KCNT1: variants seen among roughly 807,000 people sequenced by gnomAD.
The protein encoded by KCNT1 is potassium sodium-activated channel subfamily T member 1.
A neutral mutation model predicts 147.8 loss-of-function variants in KCNT1; 78 were observed. That is an observed-to-expected ratio of 0.53 (90% CI 0.44 to 0.64). The LOEUF is 0.64. Ranked by LOEUF, KCNT1 falls within the 30% of genes least tolerant of loss-of-function variation. KCNT1 has a pLI of 0.00. For missense variants in KCNT1, 1,419 were observed against 1,750.3 expected, an observed-to-expected ratio of 0.81 and a Z score of 3.38; for synonymous variants, 867 against 748.8, an observed-to-expected ratio of 1.16 and a Z score of -2.58.
intron 19 of KCNT1, among the ~76,000 whole-genome samples, chr9:135,774,467 C>T (rs1396279065): frequency 7.7e-6 from 1 of 130,034 alleles, no homozygotes; most frequent in Non-Finnish European, 1.6e-5. Flanking sequence ...GTTGTGTGTC[C>T]GTGTGTGGTA....
In KCNT1 at chr9:135,752,634, G is replaced by C. The variant is rs773148975; in HGVS notation, c.435-1303G>C. Reference sequence around the variant, plus strand: ...TTGGATGGATGGTGGATGATGGATGGATGGACGGACGGACGGATGGACGGA... The same window carrying C: ...TTGGATGGATGGTGGATGATGGATGCATGGACGGACGGACGGATGGACGGA... On this transcript the variant is annotated intron_variant, in intron 4 of 30. Coordinates refer to ENST00000371757, the MANE Select transcript of KCNT1 (RefSeq NM_020822.3). The surrounding 1 kb of genome is among the most constrained non-coding windows in gnomAD (Gnocchi z 5.1). Among the ~76,000 whole-genome samples, 2 of 151,300 alleles carry C rather than the reference G, an allele frequency of 1.3e-5. No homozygotes were observed. The highest frequency in any genetic ancestry group is 2.9e-5 in the Non-Finnish European group (2 of 67,960).
At position 135,794,085 on chromosome 9, in the gene KCNT1, G is replaced by A. The variant is rs1203554083; in HGVS notation, c.*1924G>A. 1 of 152,480 alleles carries A rather than the reference G, an allele frequency of 6.6e-6. No individual in the cohort carries two copies. Among genetic ancestry groups the A allele is most frequent in the Non-Finnish European group, 1.5e-5 (1 of 68,218 alleles). 9.4% of individuals were successfully genotyped at this position (152,480 alleles called of 1,614,324 possible). A position where few individuals can be genotyped will look rare whatever the true frequency, so the allele number is the denominator to read the frequency against. On this transcript the variant is annotated 3_prime_UTR_variant, in exon 31 of 31. Coordinates refer to ENST00000371757, the MANE Select transcript of KCNT1 (RefSeq NM_020822.3). Reference sequence around the variant, plus strand: ...TGCAGGGAGGAGAAGGGAGAGAAAAGCCGGTCTGGCTGCTGGGATGGGAGG... The same window carrying A: ...TGCAGGGAGGAGAAGGGAGAGAAAAACCGGTCTGGCTGCTGGGATGGGAGG...
At chr9:135,783,949 C>T in intron 24 of KCNT1, 75 bp from the exon 25 acceptor site, 2 of 1,085,798 alleles carry the variant, frequency 1.8e-6, no homozygotes, top group Non-Finnish European at 2.8e-6. Context: ...ACACACAGTG[C>T]CCTCGACCCC....
At chr9:135,772,181 C>T (rs996665621) in intron 18 of KCNT1, among the ~76,000 whole-genome samples, 4 of 152,206 alleles carry the variant, frequency 2.6e-5, no homozygotes, top group Non-Finnish European at 2.9e-5. Flanking sequence ...AGGCACTCTG[C>T]CCCCAGGTGG....
rs1267885761 is a variant in KCNT1 at position 135,772,782 on chromosome 9, C to T, written c.2076C>T (p.Gly692=). ...CGCAGAGCGGCGGTGGGGGCGGGGG[C>T]AGCAAGCTGGCACTGCCCACGGAGA... ...RPTQSGGGGG[G]SKLALPTENG... The change falls in exon 19 of 31, where the codon GGC becomes GGT. Residue 692 remains glycine, a synonymous_variant. Transcript: ENST00000371757. The T allele has an allele frequency of 5.4e-6, 8 of 1,490,430 alleles. No homozygotes were observed. The East Asian group carries it at 2.0e-4, about 38-fold the overall frequency. 92.3% of individuals were successfully genotyped at this position (1,490,430 alleles called of 1,614,324 possible). A position where few individuals can be genotyped will look rare whatever the true frequency, so the allele number is the denominator to read the frequency against.
chr9:135,779,215 CAAG>C, intron 23 of KCNT1, 141 bp from the exon 24 acceptor site: 1 of 586,070 alleles, frequency 1.7e-6, no homozygotes, highest in African/African-American at 2.3e-5. Context: ...CCCCCATAGC[CAAG>C]ACAGTGGGCC....
At chr9:135,764,689 G>C (rs911398200) in intron 11 of KCNT1, among the ~76,000 whole-genome samples, 1 of 152,130 alleles carries the variant, frequency 6.6e-6, no homozygotes, top group Admixed American at 6.5e-5. Context: ...GAAGACCGGG[G>C]TCTGAGGCCT....
In KCNT1 at chr9:135,772,933, G is replaced by A. The variant is rs1341803750; in HGVS notation, c.2227G>A (p.Gly743Arg). The change falls in exon 19 of 31, where the codon GGG (glycine) becomes AGG (arginine). Residue 743 changes from glycine to arginine, a missense_variant. This residue lies in a region of KCNT1 where 284 missense variants were observed against 292.8 expected (regional missense o/e 0.97). Coordinates refer to ENST00000371757, the MANE Select transcript of KCNT1 (RefSeq NM_020822.3). Reference sequence around the variant, plus strand: ...TGAGGTGACGCCGTCGGACGACGAGGGGCTCTCCGTGGTAGAGTGAGTGCT... The same window carrying A: ...TGAGGTGACGCCGTCGGACGACGAGAGGCTCTCCGTGGTAGAGTGAGTGCT... ...EDEVTPSDDE[G>R]LSVVEYVKGY... 4.6e-6 allele frequency: 7 copies of A among 1,512,608 alleles called. No individual in the cohort carries two copies. The highest frequency in any genetic ancestry group is 1.3e-5 in the South Asian group (1 of 77,858). 93.7% of individuals were successfully genotyped at this position (1,512,608 alleles called of 1,614,324 possible).
intron 2 of KCNT1, among the ~76,000 whole-genome samples, chr9:135,734,365 C>T (rs1306645766): frequency 6.6e-6 from 1 of 152,210 alleles, no homozygotes; most frequent in African/African-American, 2.4e-5. Flanking sequence ...GGAAAGGGGG[C>T]TTCTGGGACT....
intron 2 of KCNT1, among the ~76,000 whole-genome samples, chr9:135,722,497 G>C (rs1230440498): frequency 2.0e-5 from 3 of 152,220 alleles, no homozygotes; most frequent in African/African-American, 7.2e-5. Flanking sequence ...TCCCTCCACT[G>C]TTCCGTTTCC....
intron 15 of KCNT1, 34 bp downstream of exon 15, chr9:135,768,971 C>G (rs1284716775): frequency 6.5e-7 from 1 of 1,536,878 alleles, no homozygotes; most frequent in Non-Finnish European, 8.9e-7. Context: ...GATGGTGTAT[C>G]TGGGGCAGGG....
At chr9:135,774,179 T>TGGTAC (rs1832955703) in intron 19 of KCNT1, among the ~76,000 whole-genome samples, 1 of 150,578 alleles carries the variant, frequency 6.6e-6, no homozygotes, top group Non-Finnish European at 1.5e-5. Context: ...TGTCCGTGTG[T>TGGTAC]GTGATGTGTG....
intron 2 of KCNT1, among the ~76,000 whole-genome samples, chr9:135,727,380 T>TCTCTCTCCCTATCTCTCCCA (rs1430621578): frequency 8.3e-6 from 1 of 120,232 alleles, no homozygotes; most frequent in Non-Finnish European, 1.7e-5. Flanking sequence ...TCCCTCTCCC[T>TCTCTCTCCCTATCTCTCCCA]CTCTCTCCCT....
intron 30 of KCNT1, 66 bp downstream of exon 30, chr9:135,791,947 G>A (rs894548406): frequency 1.2e-4 from 193 of 1,611,022 alleles, no homozygotes; most frequent in Non-Finnish European, 1.6e-4. Flanking sequence ...GGGGAGATGA[G>A]GCCACAGGCA....
intron 2 of KCNT1, among the ~76,000 whole-genome samples, chr9:135,737,392 G>A (rs1471962766): frequency 2.0e-5 from 3 of 152,174 alleles, no homozygotes; most frequent in African/African-American, 7.2e-5. Flanking sequence ...CCCATTTCAC[G>A]GATGAGGACA....
At chr9:135,782,106 G>T (rs1398137364) in intron 24 of KCNT1, among the ~76,000 whole-genome samples, 3 of 152,154 alleles carry the variant, frequency 2.0e-5, no homozygotes, top group African/African-American at 7.2e-5. Flanking sequence ...TGGGAGGCTA[G>T]GGCAGGAGAA....
intron 19 of KCNT1, 78 bp from the exon 20 acceptor site, chr9:135,775,232 C>A: frequency 6.3e-6 from 7 of 1,110,494 alleles, no homozygotes; most frequent in South Asian, 6.2e-5. Flanking sequence ...CCTCGAGTCC[C>A]CCAGCCCGAG....
intron 29 of KCNT1, chr9:135,791,428 GAACA>G (rs946217304): frequency 1.5e-5 from 4 of 258,476 alleles, no homozygotes; most frequent in African/African-American, 4.5e-5. Flanking sequence ...CATGTGAGGT[GAACA>G]GACACGTCCC....
chr9:135,703,403 T>C (rs1222016067), intron 1 of KCNT1, among the ~76,000 whole-genome samples: 1 of 152,088 alleles, frequency 6.6e-6, no homozygotes, highest in African/African-American at 2.4e-5. Flanking sequence ...GGGCGGATGG[T>C]CTTTAAGGGC....
Sources: allele counts gnomAD v4.1 joint callset (sites outside exome capture counted in the v4.1 genomes callset), GRCh38; gene constraint gnomAD v4.1.1; regional missense constraint gnomAD v4.1.1; non-coding constraint Gnocchi (gnomAD v3.1); transcripts MANE v1.5; gene names NCBI Gene and HGNC (gene_info 2026-07-23, HGNC 2026-07-21).